RPS6KC1: variants seen among roughly 807,000 people sequenced by gnomAD.
The protein encoded by RPS6KC1 is inactive ribosomal protein S6 kinase delta-1.
RPS6KC1 carries 54 observed loss-of-function variants against 103.8 expected under a neutral mutation model. The observed-to-expected ratio is 0.52, with a 90% CI of 0.42 to 0.65. RPS6KC1 has a LOEUF of 0.65. Ranked by LOEUF, RPS6KC1 falls within the 30% of genes least tolerant of loss-of-function variation. The pLI is 0.00. For synonymous variants in RPS6KC1, 439 were observed against 438.7 expected (o/e 1.00, Z -0.01); for missense variants, 1,151 against 1,253.8 (o/e 0.92, Z 1.24).
At chr1:213,325,582 T>C in the RPS6KC1 span, among the ~76,000 whole-genome samples, 1 of 152,188 alleles carries the variant, frequency 6.6e-6, no homozygotes, top group Non-Finnish European at 1.5e-5. Context: ...AGATGTTGGT[T>C]TCCCAACTGC....
chr1:213,533,902 A>T, the RPS6KC1 span, among the ~76,000 whole-genome samples: 1 of 152,156 alleles, frequency 6.6e-6, no homozygotes, highest in Non-Finnish European at 1.5e-5. Context: ...AAGTCTCAAC[A>T]CTGTGTGCCT....
At chr1:213,337,478 T>C in the RPS6KC1 span, among the ~76,000 whole-genome samples, 2 of 152,222 alleles carry the variant, frequency 1.3e-5, no homozygotes, top group South Asian at 2.1e-4. Context: ...GCATTGATTA[T>C]ATGCTCTATG....
chr1:213,227,848 G>A (rs780487036), intron 8 of RPS6KC1, among the ~76,000 whole-genome samples: 13 of 152,128 alleles, frequency 8.5e-5, no homozygotes, highest in Non-Finnish European at 1.8e-4. Context: ...ATAGTTCTCT[G>A]TTTTTGAAAT....
At chr1:213,679,542 C>T in the RPS6KC1 span, among the ~76,000 whole-genome samples, 2 of 152,170 alleles carry the variant, frequency 1.3e-5, no homozygotes, top group Non-Finnish European at 2.9e-5. Flanking sequence ...CCAGGCCATT[C>T]AGACTAGACA....
intron 12 of RPS6KC1, among the ~76,000 whole-genome samples, chr1:213,248,232 A>G (rs888747127): frequency 6.6e-6 from 1 of 152,162 alleles, no homozygotes; most frequent in Non-Finnish European, 1.5e-5. Flanking sequence ...AGGTGGCAGC[A>G]AGAGGGAACT....
At chr1:213,435,914 A>T in the RPS6KC1 span, among the ~76,000 whole-genome samples, 1 of 149,884 alleles carries the variant, frequency 6.7e-6, no homozygotes, top group Non-Finnish European at 1.5e-5. Context: ...TCTGAATTCC[A>T]TCTCCTCAAG....
At chr1:213,513,042 A>C in the RPS6KC1 span, among the ~76,000 whole-genome samples, 4 of 152,198 alleles carry the variant, frequency 2.6e-5, no homozygotes, top group African/African-American at 9.6e-5. Flanking sequence ...AAGGGACTTT[A>C]TGGGTGAGAC....
chr1:213,562,797 A>G, the RPS6KC1 span, among the ~76,000 whole-genome samples: 2 of 152,122 alleles, frequency 1.3e-5, no homozygotes, highest in African/African-American at 2.4e-5. Flanking sequence ...CCAAGTAGCT[A>G]TGATCACAAG....
intron 3 of RPS6KC1, among the ~76,000 whole-genome samples, chr1:213,091,926 A>G (rs1178485136): frequency 6.6e-6 from 1 of 151,918 alleles, no homozygotes; most frequent in African/African-American, 2.4e-5. Flanking sequence ...CTGCTTTATC[A>G]AGGACATTCT....
At chr1:213,378,770 A>G in the RPS6KC1 span, among the ~76,000 whole-genome samples, 7 of 152,240 alleles carry the variant, frequency 4.6e-5, no homozygotes, top group East Asian at 9.6e-4. Flanking sequence ...AAGCAAGAGC[A>G]GTATGTGCAT....
At chr1:213,072,076 C>T (rs1368017194) in intron 2 of RPS6KC1, among the ~76,000 whole-genome samples, 2 of 151,626 alleles carry the variant, frequency 1.3e-5, no homozygotes, top group Non-Finnish European at 2.9e-5. Flanking sequence ...AGGATTTTTT[C>T]CGCCTCCCTA....
At chr1:213,111,523 T>C (rs1408252370) in intron 4 of RPS6KC1, among the ~76,000 whole-genome samples, 5 of 152,222 alleles carry the variant, frequency 3.3e-5, no homozygotes, top group Non-Finnish European at 5.9e-5. Context: ...TTTGTTAAAC[T>C]AGGTAAATAA....
chr1:213,652,789 C>T, the RPS6KC1 span, among the ~76,000 whole-genome samples: 3 of 152,158 alleles, frequency 2.0e-5, no homozygotes, highest in African/African-American at 7.2e-5. Flanking sequence ...CCCTGCAGCC[C>T]AACCCACCCT....
chr1:213,754,910 G>A, the RPS6KC1 span, among the ~76,000 whole-genome samples: 1 of 152,210 alleles, frequency 6.6e-6, no homozygotes, highest in East Asian at 1.9e-4. Context: ...AGCTGGATTT[G>A]ACACAATTGT....
chr1:213,608,333 G>C, the RPS6KC1 span, among the ~76,000 whole-genome samples: 6 of 152,200 alleles, frequency 3.9e-5, no homozygotes, highest in Non-Finnish European at 5.9e-5. Context: ...TCTTTTAAAA[G>C]CACCCGTGTT....
the RPS6KC1 span, among the ~76,000 whole-genome samples, chr1:213,625,085 C>T: frequency 3.9e-5 from 6 of 152,010 alleles, no homozygotes; most frequent in East Asian, 1.9e-4. Flanking sequence ...CGGGTTCAAG[C>T]GATTCTCCTA....
chr1:213,094,131 G>T (rs2081243984), intron 3 of RPS6KC1, among the ~76,000 whole-genome samples: 1 of 147,988 alleles, frequency 6.8e-6, no homozygotes, highest in African/African-American at 2.5e-5. Context: ...ATATATATAC[G>T]TTTTTTTCCA....
At chr1:213,665,140 T>C in the RPS6KC1 span, among the ~76,000 whole-genome samples, 1 of 151,754 alleles carries the variant, frequency 6.6e-6, no homozygotes, top group African/African-American at 2.4e-5. Flanking sequence ...TAAAGCATAA[T>C]GCCAAAGCCA....
intron 5 of RPS6KC1, among the ~76,000 whole-genome samples, chr1:213,129,321 G>A (rs1276215128): frequency 6.6e-6 from 1 of 152,076 alleles, no homozygotes; most frequent in Non-Finnish European, 1.5e-5. Context: ...GATGATTAAG[G>A]CAAGAAGTTG....
Sources: gnomAD v4.1 joint callset for allele counts (sites outside exome capture counted in the v4.1 genomes callset) on GRCh38, gnomAD v4.1.1 for gene constraint, MANE v1.5 for transcripts, NCBI Gene and HGNC (gene_info 2026-07-23, HGNC 2026-07-21) for gene names.